The following NAV2 variants were observed in gnomAD, a reference collection of about 807,000 sequenced individuals.
NAV2 encodes the protein helicase, APC down-regulated 1.
NAV2 carries 54 observed loss-of-function variants against 223.2 expected under a neutral mutation model. That is an observed-to-expected ratio of 0.24 (90% CI 0.19 to 0.30). NAV2 has a LOEUF of 0.30. NAV2 is among the 10% of genes least tolerant of loss of function. The probability of loss-of-function intolerance (pLI) is 1.00; values close to 1 mark genes in which losing one functional copy is unlikely to be tolerated. For synonymous variants in NAV2, 1,279 were observed against 1,239.3 expected, an observed-to-expected ratio of 1.03 and a Z score of -0.67; for missense variants, 2,806 against 3,147.5, an observed-to-expected ratio of 0.89 and a Z score of 2.60.
chr11:19,551,897 T>TTCTCTCTCTCTCTC (rs59538869), intron 1 of NAV2, among the ~76,000 whole-genome samples: 5 of 149,302 alleles, frequency 3.3e-5, no homozygotes, highest in African/African-American at 1.2e-4. Flanking sequence ...TCCTCTCCTC[T>TTCTCTCTCTCTCTC]TCTCTCTCTC....
At chr11:19,772,308 C>T (rs1034922953) in intron 1 of NAV2, among the ~76,000 whole-genome samples, 1 of 152,148 alleles carries the variant, frequency 6.6e-6, no homozygotes, top group African/African-American at 2.4e-5. Flanking sequence ...ATGCAGACAA[C>T]TGCAGAAATA....
chr11:19,597,767 G>A (rs972599857), intron 1 of NAV2, among the ~76,000 whole-genome samples: 3 of 152,246 alleles, frequency 2.0e-5, no homozygotes, highest in Non-Finnish European at 4.4e-5. Flanking sequence ...ATTTTTAGCT[G>A]AAGGAGGTGG....
chr11:19,865,349 T>G (rs1224714625), intron 3 of NAV2, among the ~76,000 whole-genome samples: 1 of 152,108 alleles, frequency 6.6e-6, no homozygotes, highest in Non-Finnish European at 1.5e-5. Context: ...TGAAGATGGA[T>G]TGTGTTTACC....
intron 1 of NAV2, among the ~76,000 whole-genome samples, chr11:19,469,487 A>T (rs1315810140): frequency 6.6e-6 from 1 of 152,124 alleles, no homozygotes; most frequent in Non-Finnish European, 1.5e-5. Flanking sequence ...CTACTAATTA[A>T]AACATCTGAT....
intron 3 of NAV2, among the ~76,000 whole-genome samples, chr11:19,856,193 T>C (rs951307171): frequency 7.9e-5 from 12 of 152,246 alleles, no homozygotes; most frequent in Admixed American, 1.3e-4. Flanking sequence ...ATTTGGTATC[T>C]TGTGGCCTTG....
At chr11:19,359,071 C>T (rs140534718) in intron 1 of NAV2, among the ~76,000 whole-genome samples, 8 of 152,312 alleles carry the variant, frequency 5.3e-5, no homozygotes, top group African/African-American at 1.7e-4. Context: ...GAATGAGTGA[C>T]AGTTGACATT....
At position 19,618,096 on chromosome 11, in the gene NAV2, C is replaced by T. The variant is rs564619461; in HGVS notation, c.76-214388C>T. On this transcript the variant is annotated intron_variant, in intron 1 of 37. Coordinates refer to the NAV2 transcript ENST00000360655. ...ACTGTTTGTTGTCTTTCATTCCTCC[C>T]TAGACTATAAGACCCATAAGGCAGA... Among the ~76,000 whole-genome samples, 9 of 152,334 alleles carry T rather than the reference C, an allele frequency of 5.9e-5. No individual in the cohort carries two copies. The South Asian group carries it at 1.9e-3, about 32-fold the overall frequency.
At chr11:20,091,147 C>A in intron 27 of NAV2, 129 bp downstream of exon 27, 1 of 821,982 alleles carries the variant, frequency 1.2e-6, no homozygotes, top group East Asian at 2.6e-5. Flanking sequence ...GCCTTTATCT[C>A]TTTTCAGTCC....
chr11:19,595,735 T>A (rs538513145), intron 1 of NAV2, among the ~76,000 whole-genome samples: 28 of 150,438 alleles, frequency 1.9e-4, no homozygotes, highest in African/African-American at 6.4e-4. Context: ...AAAAAAAAAA[T>A]TTTTTTTTTA....
intron 10 of NAV2, chr11:19,979,034 A>G (rs1465889270): frequency 2.0e-5 from 3 of 152,150 alleles, no homozygotes; most frequent in Non-Finnish European, 4.4e-5. Flanking sequence ...AGTGTCAGTT[A>G]CCAACCTATT....
intron 5 of NAV2, 56 bp from the exon 6 acceptor site, chr11:19,892,378 A>G (rs1404362109): frequency 2.6e-6 from 4 of 1,550,232 alleles, no homozygotes; most frequent in African/African-American, 2.7e-5. Context: ...CCTTCTTCCT[A>G]CACACTGTTA....
intron 22 of NAV2, among the ~76,000 whole-genome samples, chr11:20,074,505 G>A (rs186641233): frequency 2.8e-4 from 42 of 152,176 alleles, no homozygotes; most frequent in Admixed American, 1.4e-3. Flanking sequence ...TTTCTGTTTT[G>A]TTCATCTGTC....
intron 1 of NAV2, among the ~76,000 whole-genome samples, chr11:19,748,026 T>C (rs1464027415): frequency 6.6e-6 from 1 of 152,184 alleles, no homozygotes; most frequent in Non-Finnish European, 1.5e-5. Context: ...TAGTGGGATA[T>C]GCTGGGCATG....
chr11:19,544,912 A>C (rs1013217903), intron 1 of NAV2, among the ~76,000 whole-genome samples: 9 of 152,164 alleles, frequency 5.9e-5, no homozygotes, highest in African/African-American at 2.2e-4. Context: ...TGCCTCACCA[A>C]AATGTTGCTA....
intron 5 of NAV2, chr11:19,884,207 T>C: frequency 1.0e-6 from 1 of 960,376 alleles, no homozygotes; most frequent in Non-Finnish European, 1.6e-6. Flanking sequence ...ACATCCCCAT[T>C]GTCAGAAGAC....
chr11:19,474,184 G>T lies in NAV2; in HGVS notation c.75+123157G>T, dbSNP rs150580321. ...TGAGAACCAGCAGTCCTTTTTGCCT[G>T]CAGCCATCCCACTTCTCATGTCAGC... On this transcript the variant is annotated intron_variant, in intron 1 of 37. Transcript: ENST00000360655. 5.9e-3 allele frequency among the ~76,000 whole-genome samples: 906 copies of T among 152,294 alleles called. 13 individuals are homozygous for T. The highest frequency in any genetic ancestry group is 0.021 in the African/African-American group (856 of 41,558).
chr11:20,103,967 G>A (rs763025737), intron 34 of NAV2, among the ~76,000 whole-genome samples: 1 of 152,198 alleles, frequency 6.6e-6, no homozygotes, highest in Admixed American at 6.5e-5. Context: ...TCACACACTG[G>A]TCAGTGGCAG....
rs369895690 is a variant in NAV2 at position 20,106,155 on chromosome 11, G to GTGTGTATATA, written c.6841+429_6841+430insGTGTATATAT. Among the ~76,000 whole-genome samples the GTGTGTATATA allele has an allele frequency of 2.1e-3, 67 of 31,490 alleles. 6 individuals carry two copies. Among genetic ancestry groups the GTGTGTATATA allele is most frequent in the South Asian group, 0.013 (6 of 456 alleles). 20.7% of individuals were successfully genotyped at this position (31,490 alleles called of 152,430 possible). ...TGTCCTTGTTCATATGTGTGTGTGT[G>GTGTGTATATA]TATATATATATATATATATATGTGT... On this transcript the variant is annotated intron_variant, in intron 35 of 37. Transcript: ENST00000349880.
intron 3 of NAV2, among the ~76,000 whole-genome samples, chr11:19,857,282 G>T (rs1308081359): frequency 6.6e-6 from 1 of 152,214 alleles, no homozygotes; most frequent in African/African-American, 2.4e-5. Context: ...ATATGGCAAA[G>T]ATGCCAAAGA....
Sources: gnomAD v4.1 joint callset for allele counts (sites outside exome capture counted in the v4.1 genomes callset) on GRCh38, gnomAD v4.1.1 for gene constraint, MANE v1.5 for transcripts, NCBI Gene and HGNC (gene_info 2026-07-23, HGNC 2026-07-21) for gene names.